The following RASGRF1 variants were observed in gnomAD, a reference collection of about 807,000 sequenced individuals.
The protein encoded by RASGRF1 is ras-specific guanine nucleotide-releasing factor 1.
In RASGRF1, 40 loss-of-function variants were observed where a neutral mutation model predicts 138.7. The observed-to-expected ratio is 0.29, with a 90% CI of 0.22 to 0.38. The LOEUF (loss-of-function observed/expected upper bound fraction) is 0.38. Among genes scored for constraint, RASGRF1 ranks in the 10% least tolerant of loss-of-function variants. The probability of loss-of-function intolerance (pLI) is 1.00; values close to 1 mark genes in which losing one functional copy is unlikely to be tolerated. For missense variants in RASGRF1, 1,108 were observed against 1,650.4 expected, an observed-to-expected ratio of 0.67 and a Z score of 5.69; for synonymous variants, 614 against 663.2, an observed-to-expected ratio of 0.93 and a Z score of 1.14.
At chr15:78,964,801 G>A (rs1265256862) in intron 26 of RASGRF1, among the ~76,000 whole-genome samples, 2 of 152,146 alleles carry the variant, frequency 1.3e-5, no homozygotes, top group Non-Finnish European at 2.9e-5. Flanking sequence ...TAAAATAACT[G>A]TTTTCATTTT....
chr15:79,054,750 G>T lies in RASGRF1; in HGVS notation c.531+3584C>A, dbSNP rs549372074. ...GTTTTAAGACATTCAGATTTGGAGGGTGTTACTGCAGCATAATCTAGCCTA... is the reference window on the plus strand; with the variant it reads ...GTTTTAAGACATTCAGATTTGGAGGTTGTTACTGCAGCATAATCTAGCCTA... On this transcript the variant is annotated intron_variant, in intron 3 of 26. Transcript: ENST00000558480. 2.0e-5 allele frequency among the ~76,000 whole-genome samples: 3 copies of T among 152,306 alleles called. No individual in the cohort carries two copies. The East Asian group carries it at 5.8e-4, about 29-fold the overall frequency.
At chr15:78,987,801 G>A (rs1390189003) in intron 22 of RASGRF1, among the ~76,000 whole-genome samples, 2 of 152,172 alleles carry the variant, frequency 1.3e-5, no homozygotes, top group East Asian at 3.9e-4. Context: ...AGAGAGACGG[G>A]ACTAGGGTGA....
chr15:79,087,886 A>G (rs1275939514), intron 1 of RASGRF1, among the ~76,000 whole-genome samples: 1 of 152,206 alleles, frequency 6.6e-6, no homozygotes, highest in Non-Finnish European at 1.5e-5. Context: ...TTTGCGCCAG[A>G]CCATCATCTG....
At chr15:79,072,959 C>G (rs1247255305) in intron 1 of RASGRF1, among the ~76,000 whole-genome samples, 2 of 152,206 alleles carry the variant, frequency 1.3e-5, no homozygotes, top group Admixed American at 6.5e-5. Flanking sequence ...TCACACCTGC[C>G]ACAACAATGG....
At chr15:79,072,369 G>T (rs539478925) in intron 1 of RASGRF1, among the ~76,000 whole-genome samples, 3 of 135,084 alleles carry the variant, frequency 2.2e-5, no homozygotes, top group African/African-American at 8.1e-5. Context: ...TCTGCCTCCC[G>T]GGTTCATGCC....
At chr15:79,072,108 C>A (rs925670924) in intron 1 of RASGRF1, among the ~76,000 whole-genome samples, 2 of 152,028 alleles carry the variant, frequency 1.3e-5, no homozygotes, top group African/African-American at 4.8e-5. Flanking sequence ...GTTCAAGGCC[C>A]AAGCTCCAAA....
At chr15:79,004,210 C>T (rs766009451) in intron 14 of RASGRF1, 35 bp from the exon 15 acceptor site, 14 of 1,523,074 alleles carry the variant, frequency 9.2e-6, no homozygotes, top group Middle Eastern at 1.8e-4. Flanking sequence ...TGACAGTTAG[C>T]GTAGGCCTGC....
intron 1 of RASGRF1, among the ~76,000 whole-genome samples, chr15:79,078,173 G>C (rs2057865525): frequency 2.2e-5 from 2 of 90,044 alleles, no homozygotes; most frequent in African/African-American, 5.7e-5. Flanking sequence ...GCGTATGTGT[G>C]CACTTGCCCT....
In RASGRF1 at chr15:79,019,021, G is replaced by GCAGAACCC. The variant is rs529920918; in HGVS notation, c.1606+1012_1606+1019dup. ...CCCTTATTGGAAGGGCATGAGGGGAGCAGAACCCAGTGGTAACAGGGGCTG... is the reference window on the plus strand; with the variant it reads ...CCCTTATTGGAAGGGCATGAGGGGAGCAGAACCCCAGAACCCAGTGGTAACAGGGGCTG... On this transcript the variant is annotated intron_variant, in intron 11 of 26. Coordinates refer to ENST00000558480, the MANE Select transcript of RASGRF1 (RefSeq NM_001145648.3). Among the ~76,000 whole-genome samples, 221 of 152,298 alleles carry GCAGAACCC rather than the reference G, an allele frequency of 1.5e-3. 1 individual carries two copies. The highest frequency in any genetic ancestry group is 5.2e-3 in the African/African-American group (215 of 41,570).
In RASGRF1 at chr15:78,973,161, T is replaced by C; in HGVS notation, c.3612+142A>G. ...CATCAATGATAGTGATGGCTGTCAT[T>C]GGGGAAGCTGGACCCAGGCTCCCAA... On this transcript the variant is annotated intron_variant, in intron 25 of 26. Coordinates refer to ENST00000558480, the MANE Select transcript of RASGRF1 (RefSeq NM_001145648.3). The surrounding 1 kb of genome is among the most constrained non-coding windows in gnomAD (Gnocchi z 4.9). The C allele has an allele frequency of 4.5e-6, 3 of 659,956 alleles. No individual in the cohort carries two copies. Among genetic ancestry groups the C allele is most frequent in the Admixed American group, 2.5e-5 (1 of 39,590 alleles). 40.9% of individuals were successfully genotyped at this position (659,956 alleles called of 1,614,324 possible). A position where few individuals can be genotyped will look rare whatever the true frequency, so the allele number is the denominator to read the frequency against.
At chr15:78,972,408 CTT>C (rs555344686) in intron 25 of RASGRF1, among the ~76,000 whole-genome samples, 6 of 142,572 alleles carry the variant, frequency 4.2e-5, no homozygotes, top group Admixed American at 1.4e-4. Context: ...TGTTTTTTTT[CTT>C]TTTTTTTTTT....
In RASGRF1 at chr15:78,960,214, G is replaced by A. The variant is rs2055522180; in HGVS notation, c.*1930C>T. 1 of 152,530 alleles carries A rather than the reference G, an allele frequency of 6.6e-6. No homozygotes were observed. The highest frequency in any genetic ancestry group is 6.5e-5 in the Admixed American group (1 of 15,296). The allele number at this position is 152,530 out of a possible 1,614,324, so 9.4% of individuals were successfully genotyped here. ...GAAAATGCCTGGAGGAAACGGAAAAGCAGTTATGGAGCCAGCTGGCTGCAG... is the reference window on the plus strand; with the variant it reads ...GAAAATGCCTGGAGGAAACGGAAAAACAGTTATGGAGCCAGCTGGCTGCAG... On this transcript the variant is annotated 3_prime_UTR_variant, in exon 27 of 27. Transcript: ENST00000558480.
At chr15:79,045,913 A>T (rs1227370268) in intron 5 of RASGRF1, among the ~76,000 whole-genome samples, 1 of 152,254 alleles carries the variant, frequency 6.6e-6, no homozygotes, top group Non-Finnish European at 1.5e-5. Context: ...GTTGAATGAT[A>T]GGGGAACATA....
chr15:78,978,889 G>A (rs1201300599), intron 24 of RASGRF1: 2 of 1,239,704 alleles, frequency 1.6e-6, no homozygotes. Flanking sequence ...CCTCTGCCCT[G>A]TGCTGCAGGG....
At chr15:79,001,930 CTT>C (rs1567491348) in intron 15 of RASGRF1, 143 bp from the exon 16 acceptor site, 1 of 512,172 alleles carries the variant, frequency 2.0e-6, no homozygotes, top group African/African-American at 2.0e-5. Context: ...AGTTTAACAG[CTT>C]TGTTTCCCGC....
chr15:79,003,226 C>T (rs2056579623), intron 15 of RASGRF1, among the ~76,000 whole-genome samples: 1 of 152,254 alleles, frequency 6.6e-6, no homozygotes, highest in Admixed American at 6.5e-5. Context: ...CTCCTTTCCT[C>T]TTGGTAAAAA....
chr15:78,993,357 GTGTT>G (rs1476310116), intron 20 of RASGRF1, among the ~76,000 whole-genome samples: 5 of 134,368 alleles, frequency 3.7e-5, no homozygotes, highest in Admixed American at 7.3e-5. Flanking sequence ...TGTGTGGTGT[GTGTT>G]TGGTGTGTGT....
In RASGRF1 at chr15:79,050,222, G is replaced by A. The variant is rs2057411605; in HGVS notation, c.532-634C>T. Among the ~76,000 whole-genome samples, 1 of 152,014 alleles carries A rather than the reference G, an allele frequency of 6.6e-6. No homozygotes were observed. Among genetic ancestry groups the A allele is most frequent in the African/African-American group, 2.4e-5 (1 of 41,378 alleles). ...ATGCCTCTGAATTGGACTCCTCTAG[G>A]TACCTCATCTAAGCGGAATCATGCA... On this transcript the variant is annotated intron_variant, in intron 3 of 26. Transcript: ENST00000558480. This position sits in a 1 kb window ranked among gnomAD's most constrained non-coding sequence, Gnocchi z 4.1.
intron 18 of RASGRF1, among the ~76,000 whole-genome samples, 168 bp downstream of exon 18, chr15:78,998,551 G>C (rs1221942673): frequency 6.6e-6 from 1 of 152,224 alleles, no homozygotes; most frequent in Admixed American, 6.5e-5. Flanking sequence ...GGGAATCTGA[G>C]CAGTCCTCCG....
Sources: gnomAD v4.1 joint callset for allele counts (sites outside exome capture counted in the v4.1 genomes callset) on GRCh38, gnomAD v4.1.1 for gene constraint, Gnocchi (gnomAD v3.1) non-coding constraint, MANE v1.5 for transcripts, NCBI Gene and HGNC (gene_info 2026-07-23, HGNC 2026-07-21) for gene names.